TDP1: variants seen among roughly 807,000 people sequenced by gnomAD.
TDP1 encodes the protein tyrosyl-DNA phosphodiesterase 1.
Under a neutral mutation model 81.5 loss-of-function variants are expected in TDP1, and 64 were observed. That is an observed-to-expected ratio of 0.79 (90% CI 0.64 to 0.97). TDP1 has a LOEUF of 0.97. TDP1 is among the 50% of genes least tolerant of loss of function. The probability of loss-of-function intolerance (pLI) is 0.00; values close to 1 mark genes in which losing one functional copy is unlikely to be tolerated. For missense variants in TDP1, 723 were observed against 743.8 expected (o/e 0.97, Z 0.33); for synonymous variants, 256 against 264.3 (o/e 0.97, Z 0.30).
chr14:89,975,766 T>C lies in TDP1; in HGVS notation c.757-15T>C. 6.2e-7 allele frequency: 1 copy of C among 1,609,434 alleles called. No individual in the cohort carries two copies. The highest frequency in any genetic ancestry group is 8.5e-7 in the Non-Finnish European group (1 of 1,175,766). ...GTGAGTTGTTTTTAAATAAATGACT[T>C]CTTTTTCATCCTAGGCAAAGTTGGA... is the stretch of plus-strand genomic sequence containing the variant. On this transcript the variant is annotated splice_polypyrimidine_tract_variant and intron_variant, in intron 6 of 16. Transcript: ENST00000335725.
At chr14:89,960,284 T>TG (rs1250015165) in intron 2 of TDP1, among the ~76,000 whole-genome samples, 1 of 152,148 alleles carries the variant, frequency 6.6e-6, no homozygotes, top group East Asian at 1.9e-4. Flanking sequence ...GGTTTTTTTT[T>TG]CAAACCGGAA....
chr14:89,975,688 A>C, intron 6 of TDP1, 93 bp from the exon 7 acceptor site: 2 of 1,269,830 alleles, frequency 1.6e-6, no homozygotes, highest in Admixed American at 3.4e-5. Context: ...GTTTTAAAAA[A>C]AAAAGTTGAC....
At chr14:90,029,981 C>T (rs1220372598) in intron 15 of TDP1, among the ~76,000 whole-genome samples, 2 of 152,230 alleles carry the variant, frequency 1.3e-5, no homozygotes, top group South Asian at 4.1e-4. Context: ...TAAATATCCT[C>T]ACAGTAGCCC....
intron 11 of TDP1, 101 bp downstream of exon 11, chr14:89,989,191 G>A: frequency 1.1e-5 from 9 of 811,926 alleles, no homozygotes; most frequent in South Asian, 3.2e-5. Flanking sequence ...TTTATTCTGT[G>A]ATTCTTTTTT....
chr14:89,997,942 T>C (rs1896782105), intron 14 of TDP1, among the ~76,000 whole-genome samples: 1 of 151,480 alleles, frequency 6.6e-6, no homozygotes. Context: ...TCTTGACTTT[T>C]ATGTTCTGGT....
chr14:89,983,889 G>A lies in TDP1; in HGVS notation c.885-627G>A, dbSNP rs191219673. ...TTCTTCAGTGAATTAAGTGTTGAAA[G>A]TTTGAGGTTATTGTAATGTCACTGA... is the stretch of plus-strand genomic sequence containing the variant. On this transcript the variant is annotated intron_variant, in intron 8 of 16. Transcript: ENST00000335725. 1.1e-3 allele frequency among the ~76,000 whole-genome samples: 175 copies of A among 152,344 alleles called. 1 individual carries two copies. Among genetic ancestry groups the A allele is most frequent in the Middle Eastern group, 3.4e-3 (1 of 294 alleles).
At chr14:89,992,052 TG>T (rs1232972362) in intron 13 of TDP1, 69 bp downstream of exon 13, 63 of 1,378,328 alleles carry the variant, frequency 4.6e-5, no homozygotes, top group Non-Finnish European at 5.6e-5. Context: ...GTCACTGGTT[TG>T]TTTTTTTTTT....
At chr14:90,018,000 C>G (rs920977094) in intron 14 of TDP1, among the ~76,000 whole-genome samples, 31 of 152,026 alleles carry the variant, frequency 2.0e-4, no homozygotes, top group Non-Finnish European at 3.1e-4. Flanking sequence ...TCAGCCTAAT[C>G]GCTTCAAGAG....
At chr14:90,000,536 C>T (rs531256481) in intron 14 of TDP1, among the ~76,000 whole-genome samples, 3 of 152,216 alleles carry the variant, frequency 2.0e-5, no homozygotes, top group Admixed American at 6.5e-5. Flanking sequence ...AGGCATGCGC[C>T]ACCAGACCAC....
chr14:90,039,637 C>T (rs1177565316), intron 16 of TDP1, among the ~76,000 whole-genome samples: 1 of 148,872 alleles, frequency 6.7e-6, no homozygotes, highest in African/African-American at 2.5e-5. Flanking sequence ...CCTGGCTAAA[C>T]AGGATTTTGT....
At chr14:89,997,903 G>A (rs1896779289) in intron 14 of TDP1, among the ~76,000 whole-genome samples, 1 of 151,870 alleles carries the variant, frequency 6.6e-6, no homozygotes, top group African/African-American at 2.4e-5. Context: ...ACTTTTCTAG[G>A]TGCTAAGAAT....
intron 1 of TDP1, 83 bp downstream of exon 1, chr14:89,956,053 A>G (rs2277518): frequency 0.25 from 38,352 of 152,610 alleles, 8,025 homozygotes; most frequent in African/African-American, 0.57. Context: ...CTCCTGGCCG[A>G]GTCGCGGTGC....
chr14:90,001,990 A>G (rs1446299029), intron 14 of TDP1, among the ~76,000 whole-genome samples: 1 of 152,134 alleles, frequency 6.6e-6, no homozygotes, highest in Non-Finnish European at 1.5e-5. Flanking sequence ...TTTTCTGCTT[A>G]GCATCTAACA....
Position 89,963,684 on chromosome 14 carries a change from G to T in TDP1, c.559+11G>T, listed in dbSNP as rs1415694018. The T allele has an allele frequency of 6.2e-7, 1 of 1,613,788 alleles. No homozygotes were observed. The highest frequency in any genetic ancestry group is 8.5e-7 in the Non-Finnish European group (1 of 1,179,872). ...CCCTCCACATCAAGGGTAAGAGGATGCTGGGTGTCAAGGAGCTGTTGAATT... is the reference window on the plus strand; with the variant it reads ...CCCTCCACATCAAGGGTAAGAGGATTCTGGGTGTCAAGGAGCTGTTGAATT... On this transcript the variant is annotated intron_variant, in intron 3 of 16. Transcript: ENST00000335725.
intron 14 of TDP1, among the ~76,000 whole-genome samples, chr14:90,013,024 T>G (rs1018773338): frequency 6.6e-6 from 1 of 152,210 alleles, no homozygotes; most frequent in Non-Finnish European, 1.5e-5. Flanking sequence ...TTTTGGCCAA[T>G]TTCTCCCATT....
intron 13 of TDP1, chr14:89,993,019 G>A (rs557288517): frequency 1.8e-5 from 16 of 901,762 alleles, no homozygotes; most frequent in African/African-American, 1.3e-4. Context: ...ATAACACACC[G>A]TGGAAGCATG....
intron 15 of TDP1, among the ~76,000 whole-genome samples, chr14:90,025,772 A>AC (rs1373073731): frequency 7.9e-5 from 12 of 152,300 alleles, no homozygotes; most frequent in Non-Finnish European, 1.6e-4. Context: ...TGTATTCCAA[A>AC]CCCAAAGGCC....
intron 5 of TDP1, among the ~76,000 whole-genome samples, chr14:89,967,921 T>C (rs1596511108): frequency 6.6e-6 from 1 of 151,962 alleles, no homozygotes; most frequent in South Asian, 2.1e-4. Flanking sequence ...ATCAGCCTCA[T>C]GTTAGGCAAT....
intron 14 of TDP1, among the ~76,000 whole-genome samples, chr14:90,017,651 T>G (rs1442801929): frequency 6.6e-6 from 1 of 152,066 alleles, no homozygotes; most frequent in African/African-American, 2.4e-5. Flanking sequence ...TAGTCAAGAG[T>G]TGGCCAGAAA....
Sources: allele counts gnomAD v4.1 joint callset (sites outside exome capture counted in the v4.1 genomes callset), GRCh38; gene constraint gnomAD v4.1.1; transcripts MANE v1.5; gene names NCBI Gene and HGNC (gene_info 2026-07-23, HGNC 2026-07-21).